The following FAM185A variants were observed in gnomAD, a reference collection of about 807,000 sequenced individuals.
FAM185A encodes family with sequence similarity 185 member A, also known as protein FAM185A.
Under a neutral mutation model 45.7 loss-of-function variants are expected in FAM185A, and 21 were observed. The observed-to-expected ratio is 0.46, with a 90% CI of 0.33 to 0.66. The LOEUF is 0.66. FAM185A is among the 30% of genes least tolerant of loss of function. The pLI is 0.03. For missense variants in FAM185A, 305 were observed against 485.4 expected (o/e 0.63, Z 3.49); for synonymous variants, 117 against 194.0 (o/e 0.60, Z 3.30).
intron 5 of FAM185A, among the ~76,000 whole-genome samples, chr7:102,776,830 G>A (rs1795102119): frequency 6.6e-6 from 1 of 151,404 alleles, no homozygotes; most frequent in Non-Finnish European, 1.5e-5. Flanking sequence ...TTTGATTTTT[G>A]TCAGCCTTGC....
In FAM185A at chr7:102,787,354, C is replaced by T. The variant is rs1243118643; in HGVS notation, c.951C>T (p.Val317=). ...TTACAGGTTCTATTATTGTCAAGGTCCCATCTTCACTTCAAGCTCATTTAC... is the reference window on the plus strand; with the variant it reads ...TTACAGGTTCTATTATTGTCAAGGTTCCATCTTCACTTCAAGCTCATTTAC... The part of the protein sequence containing the change: ...KSHKGSIIVK[V]PSSLQAHLQL... The change falls in exon 7 of 8, where the codon GTC becomes GTT. Residue 317 remains valine, a synonymous_variant. Transcript: ENST00000413034. The T allele has an allele frequency of 6.8e-7, 1 of 1,480,326 alleles. No homozygotes were observed. The highest frequency in any genetic ancestry group is 9.1e-7 in the Non-Finnish European group (1 of 1,104,800). 91.7% of individuals were successfully genotyped at this position (1,480,326 alleles called of 1,614,324 possible).
the FAM185A span, among the ~76,000 whole-genome samples, chr7:102,826,757 A>G: frequency 1.7e-4 from 18 of 104,810 alleles, 1 homozygote; most frequent in East Asian, 4.8e-4. Flanking sequence ...ATATATATAT[A>G]TATATATATA....
the FAM185A span, among the ~76,000 whole-genome samples, chr7:102,828,135 T>C: frequency 6.6e-6 from 1 of 152,200 alleles, no homozygotes; most frequent in African/African-American, 2.4e-5. Flanking sequence ...AATTGGTAGC[T>C]TGATGGGGAT....
chr7:102,842,466 AG>A, the FAM185A span, among the ~76,000 whole-genome samples: 1 of 152,372 alleles, frequency 6.6e-6, no homozygotes, highest in East Asian at 1.9e-4. Flanking sequence ...GTTGAGCACC[AG>A]GGGGTGGAGT....
chr7:102,785,728 T>C (rs1308968021), intron 6 of FAM185A, among the ~76,000 whole-genome samples: 1 of 152,122 alleles, frequency 6.6e-6, no homozygotes, highest in Non-Finnish European at 1.5e-5. Context: ...ATAAAATCCC[T>C]AGAAGAAGAC....
chr7:102,845,263 G>A, the FAM185A span, among the ~76,000 whole-genome samples: 1 of 152,100 alleles, frequency 6.6e-6, no homozygotes, highest in African/African-American at 2.4e-5. Flanking sequence ...CATTAGAACA[G>A]AAGATACACC....
At chr7:102,800,522 T>G (rs1319066606) in intron 7 of FAM185A, among the ~76,000 whole-genome samples, 1 of 152,058 alleles carries the variant, frequency 6.6e-6, no homozygotes, top group African/African-American at 2.4e-5. Context: ...GGGAGAAATA[T>G]TCAATGAAAT....
intron 2 of FAM185A, chr7:102,755,458 G>C (rs1793652665): frequency 1.5e-6 from 1 of 683,484 alleles, no homozygotes. Context: ...ATACAGACCA[G>C]AGACAAAGCA....
At chr7:102,756,635 C>T (rs563233902) in intron 2 of FAM185A, among the ~76,000 whole-genome samples, 2 of 151,848 alleles carry the variant, frequency 1.3e-5, no homozygotes, top group African/African-American at 4.8e-5. Flanking sequence ...TCAGCCTGGG[C>T]GACAGAGCGA....
At chr7:102,765,275 T>G (rs777235676) in intron 4 of FAM185A, among the ~76,000 whole-genome samples, 1 of 152,226 alleles carries the variant, frequency 6.6e-6, no homozygotes, top group Non-Finnish European at 1.5e-5. Context: ...TTCTACATTA[T>G]AAGTTCCTTG....
chr7:102,774,200 ACT>A (rs1016088132), intron 5 of FAM185A, among the ~76,000 whole-genome samples: 4 of 152,184 alleles, frequency 2.6e-5, no homozygotes, highest in Non-Finnish European at 5.9e-5. Context: ...TGTTTTTAAC[ACT>A]GTTACAAATG....
chr7:102,783,955 A>G (rs1211516850), intron 6 of FAM185A, among the ~76,000 whole-genome samples: 1 of 152,224 alleles, frequency 6.6e-6, no homozygotes, highest in Non-Finnish European at 1.5e-5. Flanking sequence ...ATTAAGAAGA[A>G]AAGAGAGAAG....
At chr7:102,827,013 A>T in the FAM185A span, 1 of 379,730 alleles carries the variant, frequency 2.6e-6, no homozygotes, top group East Asian at 7.5e-5. Flanking sequence ...AATGCTTTGC[A>T]GCTACTGTCA....
chr7:102,756,143 G>A (rs999079468), intron 2 of FAM185A, among the ~76,000 whole-genome samples: 1 of 151,556 alleles, frequency 6.6e-6, no homozygotes, highest in Admixed American at 6.6e-5. Context: ...TAAGAGACAG[G>A]GTCTTGATGT....
At chr7:102,778,659 T>C (rs1470187905) in intron 6 of FAM185A, among the ~76,000 whole-genome samples, 2 of 152,210 alleles carry the variant, frequency 1.3e-5, no homozygotes, top group Non-Finnish European at 2.9e-5. Flanking sequence ...ATTGAAATAG[T>C]ATTTGATGTT....
chr7:102,803,232 A>G (rs1796898422), intron 7 of FAM185A, among the ~76,000 whole-genome samples: 1 of 152,208 alleles, frequency 6.6e-6, no homozygotes, highest in Admixed American at 6.5e-5. Flanking sequence ...CAACCAAAAA[A>G]GAAAACTACA....
At chr7:102,848,439 C>T in the FAM185A span, among the ~76,000 whole-genome samples, 1 of 96,706 alleles carries the variant, frequency 1.0e-5, no homozygotes, top group Admixed American at 9.2e-5. Flanking sequence ...GCCTGTAGTC[C>T]CAGCTACTCG....
At chr7:102,846,359 C>T in the FAM185A span, among the ~76,000 whole-genome samples, 1 of 152,140 alleles carries the variant, frequency 6.6e-6, no homozygotes, top group Non-Finnish European at 1.5e-5. Flanking sequence ...TGGCTGATGC[C>T]TATAATACTG....
At chr7:102,780,626 C>T (rs961002512) in intron 6 of FAM185A, among the ~76,000 whole-genome samples, 9 of 152,276 alleles carry the variant, frequency 5.9e-5, no homozygotes, top group East Asian at 1.9e-4. Flanking sequence ...TCCTGTACTA[C>T]GATGAGGTAG....
Sources: allele counts gnomAD v4.1 joint callset (sites outside exome capture counted in the v4.1 genomes callset), GRCh38; gene constraint gnomAD v4.1.1; transcripts MANE v1.5; gene names NCBI Gene and HGNC (gene_info 2026-07-23, HGNC 2026-07-21).